Variants in TRIOBP observed in about 807,000 individuals in gnomAD.
TRIOBP encodes TRIO and F-actin binding protein, also known as TRIO and F-actin-binding protein.
In TRIOBP, 169 loss-of-function variants were observed where a neutral mutation model predicts 238.8. That is an observed-to-expected ratio of 0.71 (90% CI 0.62 to 0.80). The LOEUF (loss-of-function observed/expected upper bound fraction) is 0.80. TRIOBP is among the 30% of genes least tolerant of loss of function. The pLI is 0.00. For synonymous variants in TRIOBP, 1,150 were observed against 1,274.4 expected (o/e 0.90, Z 2.08); for missense variants, 2,838 against 3,122.6 (o/e 0.91, Z 2.17).
chr22:37,742,358 G>A (rs1301977875), intron 11 of TRIOBP, among the ~76,000 whole-genome samples: 1 of 149,802 alleles, frequency 6.7e-6, no homozygotes, highest in Non-Finnish European at 1.5e-5. Flanking sequence ...TGCCTCCCAG[G>A]TTCAAGCGAT....
chr22:37,748,187 G>A (rs1380606200), intron 11 of TRIOBP, among the ~76,000 whole-genome samples: 2 of 152,212 alleles, frequency 1.3e-5, no homozygotes, highest in Non-Finnish European at 2.9e-5. Context: ...AGAGCAGAGA[G>A]GAGGCTATGA....
Position 37,724,764 on chromosome 22 carries a change from C to G in TRIOBP, c.2208C>G (p.Asn736Lys). The G allele has an allele frequency of 6.2e-7, 1 of 1,611,842 alleles. No homozygotes were observed. Among genetic ancestry groups the G allele is most frequent in the Middle Eastern group, 1.7e-4 (1 of 6,048 alleles). The change falls in exon 7 of 24, where the codon AAC (asparagine) becomes AAG (lysine). Residue 736 changes from asparagine to lysine, a missense_variant. Asn to Lys is a moderately conservative substitution (Grantham distance 94). Transcript: ENST00000644935. ...RRDNPRASSR[N>K]RTIQRDNPRT... ...ACAATCCCAGAGCCTCCTCTCGCAACAGAACCATCCAGCGAGACAACCCCA... is the reference window on the plus strand; with the variant it reads ...ACAATCCCAGAGCCTCCTCTCGCAAGAGAACCATCCAGCGAGACAACCCCA...
rs1924161006 is a variant in TRIOBP, at chr22:37,726,375, G to A, written c.3819G>A (p.Leu1273=). The change falls in exon 7 of 24, where the codon CTG becomes CTA. Residue 1273 remains leucine (L), a synonymous_variant. Coordinates refer to ENST00000644935, the MANE Select transcript of TRIOBP (RefSeq NM_001039141.3). ...HNLEREEYTV[L]ADLPPPRRLA... ...TGGAGCGGGAGGAGTACACTGTGCT[G>A]GCCGACCTGCCCCCACCCAGGAGGC... The A allele has an allele frequency of 6.3e-7, 1 of 1,594,742 alleles. No individual in the cohort carries two copies. The highest frequency in any genetic ancestry group is 1.3e-5 in the African/African-American group (1 of 74,676).
chr22:37,747,862 TC>T (rs1344224877), intron 11 of TRIOBP, among the ~76,000 whole-genome samples: 1 of 152,226 alleles, frequency 6.6e-6, no homozygotes, highest in African/African-American at 2.4e-5. Flanking sequence ...CCAGGTCCGT[TC>T]CAGCTTTCTT....
chr22:37,748,267 C>G (rs1925387785), intron 11 of TRIOBP, among the ~76,000 whole-genome samples: 2 of 152,210 alleles, frequency 1.3e-5, no homozygotes, highest in South Asian at 4.1e-4. Context: ...TCAGCTGGTG[C>G]TCCTCCTGTA....
Position 37,734,411 on chromosome 22 carries a change from C to T in TRIOBP, c.4075C>T (p.Pro1359Ser). Residue 1359 changes from proline (P) to serine (S), a missense_variant, in exon 9 of 24, where the codon CCT (proline) becomes TCT (serine). Physicochemically the swap from Pro to Ser is moderately conservative, Grantham distance 74. Coordinates refer to ENST00000644935, the MANE Select transcript of TRIOBP (RefSeq NM_001039141.3). ...PAPSRQVTML[P>S]AKQAELTRRS... ...ACCTCATCCCCAGGTGACCATGCTC[C>T]CTGCCAAACAGGCAGAACTGACCCG... 1.2e-6 allele frequency: 2 copies of T among 1,613,118 alleles called. No individual in the cohort carries two copies. The highest frequency in any genetic ancestry group is 1.1e-5 in the South Asian group (1 of 91,062).
intron 11 of TRIOBP, among the ~76,000 whole-genome samples, chr22:37,742,567 A>C (rs141710506): frequency 6.6e-6 from 1 of 152,230 alleles, no homozygotes; most frequent in Non-Finnish European, 1.5e-5. Flanking sequence ...TGAGCCCAGA[A>C]TTTCCTTTCG....
chr22:37,745,777 G>A (rs1418460617), intron 11 of TRIOBP, among the ~76,000 whole-genome samples: 1 of 152,190 alleles, frequency 6.6e-6, no homozygotes, highest in Non-Finnish European at 1.5e-5. Context: ...AGTGGGACCC[G>A]CTGAGTCGTT....
Position 37,717,223 on chromosome 22 carries a change from T to C in TRIOBP, c.628+1289T>C, listed in dbSNP as rs566422382. 2.0e-5 allele frequency among the ~76,000 whole-genome samples: 3 copies of C among 152,320 alleles called. No individual in the cohort carries two copies. In the East Asian group the frequency reaches 5.8e-4, roughly 29 times the overall value. On this transcript the variant is annotated intron_variant, in intron 6 of 23. Transcript: ENST00000644935. ...TTGTTCTTTCCTCCCTGTGGGTTCA[T>C]GGTCTGGATGGCTTCAGGAGTGAAG...
At chr22:37,698,416 G>C (rs556460617) in intron 2 of TRIOBP, among the ~76,000 whole-genome samples, 2 of 141,408 alleles carry the variant, frequency 1.4e-5, no homozygotes, top group African/African-American at 5.3e-5. Flanking sequence ...GCAGCGGGGC[G>C]ATCTTAGCTC....
At chr22:37,706,831 C>T (rs1321906567) in intron 3 of TRIOBP, among the ~76,000 whole-genome samples, 1 of 151,720 alleles carries the variant, frequency 6.6e-6, no homozygotes, top group African/African-American at 2.4e-5. Flanking sequence ...TCTTGAGCTT[C>T]CAGTTGCTCT....
At chr22:37,753,834 C>G (rs1322351150) in intron 12 of TRIOBP, among the ~76,000 whole-genome samples, 1 of 152,144 alleles carries the variant, frequency 6.6e-6, no homozygotes, top group Non-Finnish European at 1.5e-5. Flanking sequence ...TGTGAGGGAA[C>G]CCTGGGAGGG....
At chr22:37,700,465 C>G (rs1252188223) in intron 2 of TRIOBP, among the ~76,000 whole-genome samples, 1 of 146,464 alleles carries the variant, frequency 6.8e-6, no homozygotes, top group Non-Finnish European at 1.5e-5. Flanking sequence ...TTTTTTTTCT[C>G]AGTGCAGTGG....
In TRIOBP at chr22:37,769,385, C is replaced by A; in HGVS notation, c.6849+10C>A. 1.3e-6 allele frequency: 2 copies of A among 1,588,388 alleles called. No individual in the cohort carries two copies. The highest frequency in any genetic ancestry group is 1.3e-5 in the African/African-American group (1 of 74,438). On this transcript the variant is annotated intron_variant, in intron 21 of 23. Transcript: ENST00000644935. ...TTCCTGCGAGCTAGAGGTGAGTGTC[C>A]TCACTAGCACCAGGCAGCCCAGTGG...
Position 37,734,383 on chromosome 22 carries a change from C to T in TRIOBP, c.4063-16C>T, listed in dbSNP as rs1465613333. The T allele has an allele frequency of 6.2e-7, 1 of 1,610,830 alleles. No individual in the cohort carries two copies. Among genetic ancestry groups the T allele is most frequent in the East Asian group, 2.2e-5 (1 of 44,846 alleles). ...CCAGAGAGAGAGCCTCACCTACCCC[C>T]TCACCTCATCCCCAGGTGACCATGC... is the stretch of plus-strand genomic sequence containing the variant. On this transcript the variant is annotated splice_polypyrimidine_tract_variant and intron_variant, in intron 8 of 23. Coordinates refer to ENST00000644935, the MANE Select transcript of TRIOBP (RefSeq NM_001039141.3).
chr22:37,771,875 GTCA>G (rs1926795327), intron 22 of TRIOBP, 139 bp downstream of exon 22: 5 of 778,544 alleles, frequency 6.4e-6, no homozygotes, highest in Non-Finnish European at 1.1e-5. Context: ...CCATGTAGGT[GTCA>G]TCATCCCCAT....
At chr22:37,755,073 C>T (rs371939332) in intron 13 of TRIOBP, 28 bp from the exon 14 acceptor site, 33 of 1,611,174 alleles carry the variant, frequency 2.0e-5, no homozygotes, top group Admixed American at 1.0e-4. Flanking sequence ...AGGGCCCACA[C>T]GGACCATAGT....
At chr22:37,737,720 A>T (rs1203401786) in intron 9 of TRIOBP, among the ~76,000 whole-genome samples, 2 of 148,132 alleles carry the variant, frequency 1.4e-5, no homozygotes, top group Non-Finnish European at 3.0e-5. Context: ...CCTTCCTTCC[A>T]CTCCGGATTT....
At chr22:37,770,382 G>A (rs1187338015) in intron 21 of TRIOBP, among the ~76,000 whole-genome samples, 31 of 149,172 alleles carry the variant, frequency 2.1e-4, no homozygotes, top group African/African-American at 3.9e-4. Context: ...CCTGGGAGGC[G>A]GAGCGTGCAG....
Sources: gnomAD v4.1 joint callset for allele counts (sites outside exome capture counted in the v4.1 genomes callset) on GRCh38, gnomAD v4.1.1 for gene constraint, MANE v1.5 for transcripts, NCBI Gene and HGNC (gene_info 2026-07-23, HGNC 2026-07-21) for gene names.